The following GAGE12G variants were observed in gnomAD, a reference collection of about 807,000 sequenced individuals.
GAGE12G encodes the protein G antigen 12G.
At chrX:49,576,399 TGCCCAG>T (rs2066576016) in intron 4 of GAGE12G, among the ~76,000 whole-genome samples, 1 of 12,017 alleles carries the variant, frequency 8.3e-5, no homozygotes, top group Non-Finnish European at 1.3e-4. Context: ...CTCACTGTGT[TGCCCAG>T]GCAGGGTTTC....
chrX:49,576,509 G>T (rs2066576814), intron 4 of GAGE12G, among the ~76,000 whole-genome samples: 1 of 39,464 alleles, frequency 2.5e-5, no homozygotes, highest in Non-Finnish European at 4.8e-5. Flanking sequence ...TTAAGTTTTA[G>T]GGTACATGTG....
At chrX:49,573,378 AT>A (rs2066574503) in intron 3 of GAGE12G, among the ~76,000 whole-genome samples, 1 of 548 alleles carries the variant, frequency 1.8e-3, no homozygotes, top group Non-Finnish European at 8.8e-3. Context: ...TTATCCTTAG[AT>A]TGTCATTTAG....
At chrX:49,576,441 C>CT (rs1308333895) in intron 4 of GAGE12G, among the ~76,000 whole-genome samples, 1 of 27,981 alleles carries the variant, frequency 3.6e-5, no homozygotes, top group African/African-American at 1.5e-4. Context: ...ACAATTGCTT[C>CT]TTTTTTTTTC....
chrX:49,571,792 AT>A (rs1282762204), intron 2 of GAGE12G, among the ~76,000 whole-genome samples, 154 bp downstream of exon 2: 240 of 2,738 alleles, frequency 0.088, no homozygotes, highest in Middle Eastern at 0.15. Context: ...ATTCTGGAGG[AT>A]TTTTTTTTTC....
chrX:49,573,535 GAATA>G (rs1478134450), intron 3 of GAGE12G, among the ~76,000 whole-genome samples: 2 of 42,329 alleles, frequency 4.7e-5, no homozygotes, highest in Admixed American at 2.5e-4. Context: ...ATAAATAAAT[GAATA>G]AATAAATAAA....
intron 3 of GAGE12G, 64 bp downstream of exon 3, chrX:49,572,288 TGCAC>T (rs2066571770): frequency 3.0e-5 from 8 of 266,817 alleles, no homozygotes; most frequent in African/African-American, 8.2e-5. Flanking sequence ...TGTGTGTGTG[TGCAC>T]GTGTGTGTGT....
chrX:49,576,441 CT>C (rs1308333895), intron 4 of GAGE12G, among the ~76,000 whole-genome samples: 10,483 of 23,606 alleles, frequency 0.44, 107 homozygotes, highest in Middle Eastern at 0.5. Flanking sequence ...ACAATTGCTT[CT>C]TTTTTTTTCT....
chrX:49,571,792 A>AT (rs1282762204), intron 2 of GAGE12G, among the ~76,000 whole-genome samples, 154 bp downstream of exon 2: 7 of 2,951 alleles, frequency 2.4e-3, no homozygotes, highest in Non-Finnish European at 4.0e-3. Context: ...ATTCTGGAGG[A>AT]TTTTTTTTTT....
At chrX:49,576,482 TTATTTATC>T (rs1352997820) in intron 4 of GAGE12G, among the ~76,000 whole-genome samples, 116 of 46,069 alleles carry the variant, frequency 2.5e-3, no homozygotes, top group Middle Eastern at 0.02. Context: ...ATTTATTTAT[TTATTTATC>T]ATTATACTTT....
chrX:49,576,635 CA>C (rs1233767932), intron 4 of GAGE12G, among the ~76,000 whole-genome samples: 28 of 23,553 alleles, frequency 1.2e-3, no homozygotes, highest in Non-Finnish European at 1.8e-3. Flanking sequence ...CCCCTCCCCC[CA>C]CCCGACAACA....
Sources: allele counts gnomAD v4.1 joint callset (sites outside exome capture counted in the v4.1 genomes callset), GRCh38; gene constraint gnomAD v4.1.1; transcripts MANE v1.5; gene names NCBI Gene and HGNC (gene_info 2026-07-23, HGNC 2026-07-21).